The following NRXN3 variants were observed in gnomAD, a reference collection of about 807,000 sequenced individuals.
NRXN3 encodes neurexin 3, also known as neurexin III.
A neutral mutation model predicts 137.6 loss-of-function variants in NRXN3; 32 were observed. The ratio of observed to expected loss-of-function variants is 0.23; its 90% CI spans 0.18 to 0.31. The LOEUF is 0.31. Ranked by LOEUF, NRXN3 falls within the 10% of genes least tolerant of loss-of-function variation. The pLI, the probability that NRXN3 is intolerant of heterozygous loss-of-function variation, is 1.00. For synonymous variants in NRXN3, 798 were observed against 784.5 expected (o/e 1.02, Z -0.29); for missense variants, 1,574 against 2,062.5 (o/e 0.76, Z 4.59).
intron 10 of NRXN3, among the ~76,000 whole-genome samples, chr14:78,814,588 C>T (rs1331130630): frequency 6.6e-6 from 1 of 152,188 alleles, no homozygotes; most frequent in Non-Finnish European, 1.5e-5. Flanking sequence ...GCACTCCAGC[C>T]TGGCGACTGA....
chr14:78,331,980 T>A (rs891173809), intron 4 of NRXN3, among the ~76,000 whole-genome samples: 5 of 151,940 alleles, frequency 3.3e-5, no homozygotes, highest in African/African-American at 1.2e-4. Flanking sequence ...TCTCTGGAGG[T>A]TGATGTTGAG....
chr14:78,474,347 T>TCTGG (rs1567694287), intron 4 of NRXN3, among the ~76,000 whole-genome samples: 1 of 152,202 alleles, frequency 6.6e-6, no homozygotes, highest in Non-Finnish European at 1.5e-5. Context: ...TCCCAGACCT[T>TCTGG]ATAGCAGATC....
intron 10 of NRXN3, among the ~76,000 whole-genome samples, chr14:78,887,950 ACT>A (rs1207739043): frequency 6.6e-6 from 1 of 152,012 alleles, no homozygotes; most frequent in African/African-American, 2.4e-5. Context: ...GTTGCCTCTG[ACT>A]TCCTAGAAGT....
chr14:79,316,209 A>G (rs1468649051), intron 15 of NRXN3, among the ~76,000 whole-genome samples: 1 of 152,230 alleles, frequency 6.6e-6, no homozygotes, highest in African/African-American at 2.4e-5. Context: ...GTACCATGCA[A>G]ACATTTGCTT....
Position 79,647,687 on chromosome 14 carries a change from C to T in NRXN3, c.3445-16091C>T. Among the ~76,000 whole-genome samples, 2 of 135,678 alleles carry T rather than the reference C, an allele frequency of 1.5e-5. 1 individual carries two copies. The highest frequency in any genetic ancestry group is 3.4e-5 in the Non-Finnish European group (2 of 58,414). The allele number at this position is 135,678 out of a possible 152,430, so 89.0% of individuals were successfully genotyped here. A position where few individuals can be genotyped will look rare whatever the true frequency, so the allele number is the denominator to read the frequency against. ...CTCTGAAGCAGCAGTTGGGCCATTA[C>T]ATTTTGGCAGGCACTTCAGATGTGT... is the stretch of plus-strand genomic sequence containing the variant. On this transcript the variant is annotated intron_variant, in intron 16 of 20. Coordinates refer to ENST00000335750, the MANE Select transcript of NRXN3 (RefSeq NM_001330195.2).
At chr14:79,020,862 TACACACAC>T (rs3035451) in intron 15 of NRXN3, among the ~76,000 whole-genome samples, 32 of 145,202 alleles carry the variant, frequency 2.2e-4, no homozygotes, top group African/African-American at 5.1e-4. Context: ...GCTTGCATTT[TACACACAC>T]ACACACACAC....
rs2099413040 is a variant in NRXN3 at position 79,861,065 on chromosome 14, G to A, written c.4094-277G>A. 1 of 1,418,336 alleles carries A rather than the reference G, an allele frequency of 7.1e-7. No homozygotes were observed. The highest frequency in any genetic ancestry group is 1.4e-5 in the African/African-American group (1 of 69,488). 87.9% of individuals were successfully genotyped at this position (1,418,336 alleles called of 1,614,324 possible). A position where few individuals can be genotyped will look rare whatever the true frequency, so the allele number is the denominator to read the frequency against. ...AGGTGAATTAGTTATCCCTCTTCTTGTAGAAGACCCTTTAGCTACCCCTCC... is the reference window on the plus strand; with the variant it reads ...AGGTGAATTAGTTATCCCTCTTCTTATAGAAGACCCTTTAGCTACCCCTCC... On this transcript the variant is annotated intron_variant, in intron 20 of 20. Transcript: ENST00000335750. This position sits in a 1 kb window ranked among gnomAD's most constrained non-coding sequence, Gnocchi z 5.4.
intron 4 of NRXN3, among the ~76,000 whole-genome samples, chr14:78,460,360 G>A (rs2094887143): frequency 6.6e-6 from 1 of 152,234 alleles, no homozygotes; most frequent in Admixed American, 6.5e-5. Context: ...CAGGTTGGGG[G>A]CTGGATAGAG....
intron 19 of NRXN3, among the ~76,000 whole-genome samples, chr14:79,758,535 C>T (rs552484591): frequency 2.0e-5 from 3 of 152,322 alleles, no homozygotes; most frequent in Admixed American, 2.0e-4. Flanking sequence ...CATGACCAAA[C>T]ACCTCCTACT....
At chr14:79,598,860 G>A (rs2097891395) in intron 16 of NRXN3, among the ~76,000 whole-genome samples, 1 of 152,174 alleles carries the variant, frequency 6.6e-6, no homozygotes, top group Non-Finnish European at 1.5e-5. Flanking sequence ...ATTATCAAAT[G>A]CTGCTTCCCT....
intron 16 of NRXN3, among the ~76,000 whole-genome samples, chr14:79,476,053 C>T (rs574001818): frequency 1.8e-4 from 27 of 152,230 alleles, no homozygotes; most frequent in South Asian, 8.3e-4. Context: ...ATTGACCCAC[C>T]GCTTACACTG....
chr14:78,246,490 A>C (rs2067698731), intron 2 of NRXN3, among the ~76,000 whole-genome samples: 1 of 152,210 alleles, frequency 6.6e-6, no homozygotes, highest in Admixed American at 6.5e-5. Flanking sequence ...TAAATAGAGT[A>C]AATAAACTGC....
At chr14:79,629,930 CAG>C (rs1341082803) in intron 16 of NRXN3, among the ~76,000 whole-genome samples, 1 of 151,816 alleles carries the variant, frequency 6.6e-6, no homozygotes, top group African/African-American at 2.4e-5. Flanking sequence ...AAAACCTAAA[CAG>C]AGAATAATTA....
chr14:78,854,187 G>A (rs757876611), intron 10 of NRXN3, among the ~76,000 whole-genome samples: 8 of 152,142 alleles, frequency 5.3e-5, no homozygotes, highest in Non-Finnish European at 7.4e-5. Context: ...GTCATCAGCC[G>A]AATTTGGTGT....
At chr14:79,812,289 A>C (rs1474852119) in intron 20 of NRXN3, among the ~76,000 whole-genome samples, 1 of 152,200 alleles carries the variant, frequency 6.6e-6, no homozygotes, top group East Asian at 1.9e-4. Flanking sequence ...TAACTATTAC[A>C]TGTAGGCACT....
At chr14:78,562,621 G>T (rs2096797793) in intron 4 of NRXN3, among the ~76,000 whole-genome samples, 2 of 152,152 alleles carry the variant, frequency 1.3e-5, no homozygotes, top group Non-Finnish European at 1.5e-5. Flanking sequence ...GGAGGTCCCA[G>T]GCATGGGAAT....
At chr14:78,379,401 G>T (rs1006410736) in intron 4 of NRXN3, among the ~76,000 whole-genome samples, 1 of 152,066 alleles carries the variant, frequency 6.6e-6, no homozygotes, top group African/African-American at 2.4e-5. Context: ...TATGTAAAAA[G>T]AATTATGTAC....
intron 4 of NRXN3, among the ~76,000 whole-genome samples, chr14:78,504,187 G>A (rs556910829): frequency 1.8e-4 from 27 of 152,260 alleles, no homozygotes; most frequent in Admixed American, 3.9e-4. Flanking sequence ...GGGAAACCCT[G>A]GTTAGTTGAA....
chr14:79,683,418 T>C (rs1363061725), intron 17 of NRXN3, among the ~76,000 whole-genome samples: 2 of 152,132 alleles, frequency 1.3e-5, no homozygotes, highest in Non-Finnish European at 2.9e-5. Context: ...AGGAGGATAT[T>C]ATAAATACCA....
Sources: allele counts gnomAD v4.1 joint callset (sites outside exome capture counted in the v4.1 genomes callset), GRCh38; gene constraint gnomAD v4.1.1; non-coding constraint Gnocchi (gnomAD v3.1); transcripts MANE v1.5; gene names NCBI Gene and HGNC (gene_info 2026-07-23, HGNC 2026-07-21).